COL25A1: variants seen among roughly 807,000 people sequenced by gnomAD.
COL25A1 encodes collagen type XXV alpha 1 chain.
A neutral mutation model predicts 128.4 loss-of-function variants in COL25A1; 103 were observed. The ratio of observed to expected loss-of-function variants is 0.80; its 90% CI spans 0.68 to 0.94. The LOEUF is 0.94. COL25A1 is among the 40% of genes least tolerant of loss of function. The pLI, the probability that COL25A1 is intolerant of heterozygous loss-of-function variation, is 0.00. For missense variants in COL25A1, 745 were observed against 840.0 expected (o/e 0.89, Z 1.40); for synonymous variants, 279 against 277.2 (o/e 1.01, Z -0.06).
At chr4:109,184,121 A>T (rs541369155) in intron 3 of COL25A1, among the ~76,000 whole-genome samples, 1 of 152,180 alleles carries the variant, frequency 6.6e-6, no homozygotes, top group Non-Finnish European at 1.5e-5. Flanking sequence ...TCCATGACTG[A>T]GCAAGGATAT....
intron 13 of COL25A1, among the ~76,000 whole-genome samples, chr4:108,916,619 T>C (rs889881986): frequency 6.6e-6 from 1 of 152,234 alleles, no homozygotes; most frequent in Non-Finnish European, 1.5e-5. Flanking sequence ...ATTTATGCCA[T>C]ATCTGTATTT....
Position 109,138,635 on chromosome 4 carries a change from C to T in COL25A1, c.368-88456G>A, listed in dbSNP as rs140867124. 7.1e-3 allele frequency among the ~76,000 whole-genome samples: 1,083 copies of T among 152,348 alleles called. 16 individuals are homozygous for T. Among genetic ancestry groups the T allele is most frequent in the African/African-American group, 0.024 (996 of 41,582 alleles). On this transcript the variant is annotated intron_variant, in intron 3 of 37. Coordinates refer to ENST00000399132, the MANE Select transcript of COL25A1 (RefSeq NM_198721.4). Reference sequence around the variant, plus strand: ...AAAAGCATTCCTATTTCTCCACATCCTCTCCAGCATCTGTTGTTTCCTGAC... The same window carrying T: ...AAAAGCATTCCTATTTCTCCACATCTTCTCCAGCATCTGTTGTTTCCTGAC...
Position 108,823,772 on chromosome 4 carries a change from T to C in COL25A1, c.1845+402A>G, listed in dbSNP as rs1456420246. On this transcript the variant is annotated intron_variant, in intron 35 of 37. Transcript: ENST00000399132. ...ACAAAACATATCTCCATTTCTCTAC[T>C]GGGAAGTAGTGAAGACAAGTGAGAT... is the stretch of plus-strand genomic sequence containing the variant. The C allele has an allele frequency of 1.5e-5, 6 of 392,154 alleles. No individual in the cohort carries two copies. In the East Asian group the frequency reaches 2.7e-4, roughly 18 times the overall value. 24.3% of individuals were successfully genotyped at this position (392,154 alleles called of 1,614,324 possible).
rs56845799 is a variant in COL25A1 at position 109,006,378 on chromosome 4, A to ATTTTTTTT, written c.438+3972_438+3979dup. Among the ~76,000 whole-genome samples, 489 of 51,866 alleles carry ATTTTTTTT rather than the reference A, an allele frequency of 9.4e-3. 13 individuals are homozygous for ATTTTTTTT. The highest frequency in any genetic ancestry group is 0.016 in the African/African-American group (208 of 12,764). The allele number at this position is 51,866 out of a possible 152,430, so 34.0% of individuals were successfully genotyped here. On this transcript the variant is annotated intron_variant, in intron 6 of 37. Transcript: ENST00000399132. ...AGGTGTGCACTGCCACACCCAGCTA[A>ATTTTTTTT]TTTTTTTTTTTTTTTTTTTTTTTTT...
intron 3 of COL25A1, among the ~76,000 whole-genome samples, chr4:109,102,929 C>T (rs565899285): frequency 3.9e-5 from 6 of 152,120 alleles, no homozygotes; most frequent in African/African-American, 1.4e-4. Flanking sequence ...ACATTTAATG[C>T]AATTATTATT....
intron 5 of COL25A1, among the ~76,000 whole-genome samples, chr4:109,034,692 A>G (rs1449954112): frequency 6.6e-6 from 1 of 152,256 alleles, no homozygotes; most frequent in African/African-American, 2.4e-5. Context: ...TCAGGAAAAT[A>G]TCCTTCTGAA....
intron 8 of COL25A1, among the ~76,000 whole-genome samples, chr4:108,947,066 A>C (rs1014062905): frequency 5.3e-5 from 8 of 152,152 alleles, no homozygotes; most frequent in African/African-American, 1.9e-4. Flanking sequence ...GTAGTTATGA[A>C]TCATGAATTC....
chr4:109,062,035 A>G (rs1364847), intron 3 of COL25A1, among the ~76,000 whole-genome samples: 12 of 152,270 alleles, frequency 7.9e-5, no homozygotes, highest in African/African-American at 2.4e-4. Context: ...CTTGATATAC[A>G]CACACTCTTT....
chr4:108,813,990 T>G (rs2305435), intron 37 of COL25A1, 61 bp from the exon 38 acceptor site: 745,712 of 1,339,724 alleles, frequency 0.56, 209,567 homozygotes, highest in South Asian at 0.6. Flanking sequence ...ATTAAAATTT[T>G]AAATCAATAT....
intron 11 of COL25A1, among the ~76,000 whole-genome samples, chr4:108,931,516 T>A (rs1232536716): frequency 6.6e-6 from 1 of 152,204 alleles, no homozygotes; most frequent in Non-Finnish European, 1.5e-5. Context: ...TACATAATCA[T>A]GCTTCTAGAT....
intron 37 of COL25A1, among the ~76,000 whole-genome samples, chr4:108,815,188 A>G (rs1483019679): frequency 1.3e-5 from 2 of 152,138 alleles, no homozygotes; most frequent in East Asian, 3.9e-4. Context: ...CATTGAGAGG[A>G]GCATGACCAA....
At position 108,875,242 on chromosome 4, in the gene COL25A1, G is replaced by A. The variant is rs147030400; in HGVS notation, c.1021-6092C>T. Among the ~76,000 whole-genome samples the A allele has an allele frequency of 8.1e-3, 1,234 of 152,144 alleles. 20 individuals carry two copies. Among genetic ancestry groups the A allele is most frequent in the African/African-American group, 0.028 (1,161 of 41,518 alleles). ...TAATTAAACTAAAGAGCTTCTGCAC[G>A]GCAAAAGAAACTACCACCAGAGTGA... On this transcript the variant is annotated intron_variant, in intron 19 of 37. Coordinates refer to ENST00000399132, the MANE Select transcript of COL25A1 (RefSeq NM_198721.4).
At chr4:108,936,800 A>AATATATATATATATAT (rs138668509) in intron 11 of COL25A1, among the ~76,000 whole-genome samples, 53 of 134,728 alleles carry the variant, frequency 3.9e-4, no homozygotes, top group South Asian at 3.7e-3. Flanking sequence ...CTGTTTCTTA[A>AATATATATATATATAT]ATATATATAT....
intron 5 of COL25A1, among the ~76,000 whole-genome samples, chr4:109,026,498 A>G (rs1758303235): frequency 6.6e-6 from 1 of 152,220 alleles, no homozygotes; most frequent in Non-Finnish European, 1.5e-5. Context: ...AACTCTGGTT[A>G]TTAACGACTG....
intron 3 of COL25A1, among the ~76,000 whole-genome samples, chr4:109,158,979 A>G (rs1341174468): frequency 6.6e-6 from 1 of 152,036 alleles, no homozygotes; most frequent in Non-Finnish European, 1.5e-5. Flanking sequence ...AGTATATTGT[A>G]TTTTATTATG....
At position 109,301,778 on chromosome 4, in the gene COL25A1, G is replaced by A. The variant is rs201684911; in HGVS notation, c.242C>T (p.Thr81Ile). Residue 81 changes from threonine to isoleucine, a missense_variant, in exon 2 of 38, where the codon ACC becomes ATC. Thr to Ile is a moderately conservative substitution (Grantham distance 89). This residue lies in a region of COL25A1 where 319 missense variants were observed against 324.9 expected (regional missense o/e 0.98). Transcript: ENST00000399132. ...GAPSIHLLPD[T>I]LDHLKTMVQE... Reference sequence around the variant, plus strand: ...CACCATAGTCTTGAGGTGATCCAGGGTATCAGGCAGCAGATGAATGGAAGG... The same window carrying A: ...CACCATAGTCTTGAGGTGATCCAGGATATCAGGCAGCAGATGAATGGAAGG... 6.2e-7 allele frequency: 1 copy of A among 1,614,264 alleles called. No homozygotes were observed. Among genetic ancestry groups the A allele is most frequent in the African/African-American group, 1.3e-5 (1 of 75,078 alleles).
intron 3 of COL25A1, among the ~76,000 whole-genome samples, chr4:109,084,606 G>C (rs948000855): frequency 7.9e-5 from 12 of 152,124 alleles, no homozygotes; most frequent in Non-Finnish European, 1.5e-5. Flanking sequence ...AATTCCCTGA[G>C]AATTTATTCT....
chr4:109,027,445 G>T (rs35628414), intron 5 of COL25A1, among the ~76,000 whole-genome samples: 2 of 151,518 alleles, frequency 1.3e-5, no homozygotes, highest in Admixed American at 6.6e-5. Flanking sequence ...GGAGATCAGA[G>T]AGACTTTGCA....
chr4:108,982,037 TACAAAAATTAGCCA>T (rs1451745154), intron 6 of COL25A1, among the ~76,000 whole-genome samples: 1 of 151,632 alleles, frequency 6.6e-6, no homozygotes, highest in African/African-American at 2.4e-5. Context: ...CTACTAAAAA[TACAAAAATTAGCCA>T]GGCGTGGTGG....
Sources: gnomAD v4.1 joint callset for allele counts (sites outside exome capture counted in the v4.1 genomes callset) on GRCh38, gnomAD v4.1.1 for gene constraint, gnomAD v4.1.1 regional missense constraint, MANE v1.5 for transcripts, NCBI Gene and HGNC (gene_info 2026-07-23, HGNC 2026-07-21) for gene names.